The following GNS variants were observed in gnomAD, a reference collection of about 807,000 sequenced individuals.
GNS encodes N-acetylglucosamine-6-sulfatase.
Under a neutral mutation model 69.7 loss-of-function variants are expected in GNS, and 40 were observed. The observed-to-expected ratio is 0.57, with a 90% CI of 0.45 to 0.75. The LOEUF (loss-of-function observed/expected upper bound fraction) is 0.75. Among genes scored for constraint, GNS ranks in the 30% least tolerant of loss-of-function variants. The pLI is 0.00. For missense variants in GNS, 565 were observed against 685.5 expected, an observed-to-expected ratio of 0.82 and a Z score of 1.96; for synonymous variants, 243 against 251.6, an observed-to-expected ratio of 0.97 and a Z score of 0.32.
At chr12:64,723,229 G>A (rs1238052157) in intron 10 of GNS, 116 bp from the exon 11 acceptor site, 3 of 718,850 alleles carry the variant, frequency 4.2e-6, no homozygotes, top group African/African-American at 3.5e-5. Context: ...TGTTCATTCA[G>A]TAACTAAAGG....
At chr12:64,724,317 G>C (rs1869124854) in intron 10 of GNS, among the ~76,000 whole-genome samples, 1 of 152,190 alleles carries the variant, frequency 6.6e-6, no homozygotes, top group Admixed American at 6.5e-5. Context: ...AGCAACCTGG[G>C]TTTTAGCAAG....
chr12:64,729,751 T>A (rs1269547411), intron 9 of GNS, among the ~76,000 whole-genome samples: 2 of 152,148 alleles, frequency 1.3e-5, no homozygotes, highest in Non-Finnish European at 2.9e-5. Flanking sequence ...CAGGGCCTAA[T>A]CCAGAGTAGC....
chr12:64,748,050 A>T, intron 2 of GNS, 132 bp from the exon 3 acceptor site: 1 of 683,612 alleles, frequency 1.5e-6, no homozygotes, highest in Non-Finnish European at 2.6e-6. Context: ...GAATATATAT[A>T]TTTTTTTCTA....
At position 64,721,712 on chromosome 12, in the gene GNS, G is replaced by A; in HGVS notation, c.1309-7C>T. The A allele has an allele frequency of 7.3e-7, 1 of 1,362,804 alleles. No individual in the cohort carries two copies. The highest frequency in any genetic ancestry group is 1.1e-6 in the Non-Finnish European group (1 of 950,324). 84.4% of individuals were successfully genotyped at this position (1,362,804 alleles called of 1,614,324 possible). ...CACAGTCTGGGAAGCATTGCTGTAG[G>A]GATATTTCAAAAGTTAAATGAAGAC... On this transcript the variant is annotated splice_region_variant and splice_polypyrimidine_tract_variant and intron_variant, in intron 11 of 13. Coordinates refer to ENST00000258145, the MANE Select transcript of GNS (RefSeq NM_002076.4).
intron 7 of GNS, among the ~76,000 whole-genome samples, chr12:64,740,330 G>T (rs1314798241): frequency 6.6e-6 from 1 of 152,108 alleles, no homozygotes; most frequent in Non-Finnish European, 1.5e-5. Flanking sequence ...CTTTAAAGCA[G>T]GAGAAAAAAT....
intron 1 of GNS, chr12:64,756,642 A>C (rs1870256981): frequency 1.2e-6 from 1 of 813,680 alleles, no homozygotes; most frequent in Admixed American, 2.0e-5. Flanking sequence ...TGATGACTGA[A>C]GCACAAGTAT....
Position 64,749,623 on chromosome 12 carries a change from C to T in GNS, c.253-1705G>A, listed in dbSNP as rs117883656. 9.1e-4 allele frequency among the ~76,000 whole-genome samples: 138 copies of T among 152,258 alleles called. No homozygotes were observed. The East Asian group carries it at 0.022, about 24-fold the overall frequency. The stretch of plus-strand genomic sequence containing the variant: ...TACTAACTGACTGTGTTTATGTGAA[C>T]GGTTTGTTCATATGCTTTGCTCATT... On this transcript the variant is annotated intron_variant, in intron 2 of 13. Coordinates refer to ENST00000258145, the MANE Select transcript of GNS (RefSeq NM_002076.4).
intron 9 of GNS, 21 bp from the exon 10 acceptor site, chr12:64,729,078 C>A (rs759738782): frequency 2.5e-6 from 3 of 1,189,978 alleles, no homozygotes; most frequent in South Asian, 2.4e-5. Flanking sequence ...GAGGGAAAAA[C>A]AATCTAGAAC....
At position 64,752,628 on chromosome 12, in the gene GNS, G is replaced by A. The variant is rs370418829; in HGVS notation, c.252+70C>T. 2.2e-4 allele frequency: 181 copies of A among 815,276 alleles called. 1 individual carries two copies. The highest frequency in any genetic ancestry group is 5.2e-4 in the South Asian group (38 of 73,272). The allele number at this position is 815,276 out of a possible 1,614,324, so 50.5% of individuals were successfully genotyped here. On this transcript the variant is annotated intron_variant, in intron 2 of 13. Transcript: ENST00000258145. ...ACCACATAGATCATACCAGATTCCC[G>A]AGAAGAGAGTATCTTCTTAGAATAC...
chr12:64,753,029 C>T (rs758265950), intron 1 of GNS: 30 of 490,054 alleles, frequency 6.1e-5, no homozygotes, highest in Non-Finnish European at 9.5e-5. Context: ...TAGTCATCAG[C>T]GCCCAGATAA....
At chr12:64,724,047 A>C (rs1214554118) in intron 10 of GNS, among the ~76,000 whole-genome samples, 2 of 152,236 alleles carry the variant, frequency 1.3e-5, no homozygotes, top group African/African-American at 2.4e-5. Flanking sequence ...GTGGAAAGAC[A>C]GGAAGACCAG....
chr12:64,747,701 A>G lies in GNS; in HGVS notation c.459+11T>C. 7.1e-7 allele frequency: 1 copy of G among 1,402,794 alleles called. No individual in the cohort carries two copies. The highest frequency in any genetic ancestry group is 1.0e-6 in the Non-Finnish European group (1 of 987,008). The allele number at this position is 1,402,794 out of a possible 1,614,324, so 86.9% of individuals were successfully genotyped here. A position where few individuals can be genotyped will look rare whatever the true frequency, so the allele number is the denominator to read the frequency against. On this transcript the variant is annotated intron_variant, in intron 3 of 13. Coordinates refer to ENST00000258145, the MANE Select transcript of GNS (RefSeq NM_002076.4). ...GCCATTATAAAAAAAGAAACAGATC[A>G]TTCAACATACCTCATTTAAATATTT...
At chr12:64,748,294 T>C (rs900591977) in intron 2 of GNS, among the ~76,000 whole-genome samples, 18 of 151,814 alleles carry the variant, frequency 1.2e-4, no homozygotes, top group African/African-American at 4.4e-4. Flanking sequence ...CTCGACCTCC[T>C]GGCGCAAGTG....
chr12:64,722,813 C>T (rs958132231), intron 11 of GNS, 193 bp downstream of exon 11: 6 of 595,598 alleles, frequency 1.0e-5, no homozygotes, highest in South Asian at 5.6e-5. Context: ...TAACAGTGCA[C>T]ATTCTGATGA....
intron 2 of GNS, among the ~76,000 whole-genome samples, chr12:64,750,156 A>G (rs893496388): frequency 7.9e-5 from 12 of 151,822 alleles, no homozygotes; most frequent in Non-Finnish European, 1.5e-5. Flanking sequence ...AAGCAATTCT[A>G]ATGCCTCAGC....
chr12:64,741,384 C>T (rs977813680), intron 6 of GNS, among the ~76,000 whole-genome samples: 1 of 151,704 alleles, frequency 6.6e-6, no homozygotes, highest in Admixed American at 6.6e-5. Flanking sequence ...CTCCCGGGTT[C>T]ATGCGATTTT....
Position 64,716,092 on chromosome 12 carries a change from G to T in GNS, c.*649C>A. ...ATCACAAGCTTACTGCTCTATTTCAGTGCAGCACCAGCCTAGAATTCACAA... is the reference window on the plus strand; with the variant it reads ...ATCACAAGCTTACTGCTCTATTTCATTGCAGCACCAGCCTAGAATTCACAA... On this transcript the variant is annotated 3_prime_UTR_variant, in exon 14 of 14. Transcript: ENST00000258145. The T allele has an allele frequency of 6.3e-6, 1 of 158,306 alleles. No homozygotes were observed. The allele number at this position is 158,306 out of a possible 1,614,324, so 9.8% of individuals were successfully genotyped here.
intron 10 of GNS, among the ~76,000 whole-genome samples, chr12:64,725,105 C>G (rs1238205626): frequency 6.6e-6 from 1 of 152,170 alleles, no homozygotes; most frequent in Non-Finnish European, 1.5e-5. Context: ...CCAATTAAAT[C>G]AGAATCTCTA....
intron 1 of GNS, among the ~76,000 whole-genome samples, chr12:64,758,308 CCTTTTTTT>C (rs1356606533): frequency 8.6e-6 from 1 of 115,698 alleles, no homozygotes; most frequent in Admixed American, 9.8e-5. Context: ...TCACTTCAGG[CCTTTTTTT>C]TTTTTTTTTT....
Sources: gnomAD v4.1 joint callset for allele counts (sites outside exome capture counted in the v4.1 genomes callset) on GRCh38, gnomAD v4.1.1 for gene constraint, MANE v1.5 for transcripts, NCBI Gene and HGNC (gene_info 2026-07-23, HGNC 2026-07-21) for gene names.